COL3A1: variants seen among roughly 807,000 people sequenced by gnomAD.
COL3A1 encodes collagen alpha-1(III) chain.
COL3A1 carries 46 observed loss-of-function variants against 200.9 expected under a neutral mutation model. The ratio of observed to expected loss-of-function variants is 0.23; its 90% CI spans 0.18 to 0.29. The LOEUF (loss-of-function observed/expected upper bound fraction) is 0.29. Ranked by LOEUF, COL3A1 falls within the 10% of genes least tolerant of loss-of-function variation. The probability of loss-of-function intolerance (pLI) is 1.00; values close to 1 mark genes in which losing one functional copy is unlikely to be tolerated. For synonymous variants in COL3A1, 650 were observed against 628.0 expected (o/e 1.03, Z -0.52); for missense variants, 1,367 against 1,917.6 (o/e 0.71, Z 5.36).
intron 16 of COL3A1, 100 bp from the exon 17 acceptor site, chr2:188,993,938 A>G (rs751552886): frequency 4.5e-6 from 5 of 1,115,722 alleles, no homozygotes; most frequent in Non-Finnish European, 6.7e-6. Flanking sequence ...TCTACAAAGC[A>G]TAACACTCAT....
In COL3A1 at chr2:188,991,681, G is replaced by C. The variant is rs756075915; in HGVS notation, c.910G>C (p.Ala304Pro). Reference protein sequence around the residue: ...GAPGPMGPRGAPGERGRPGLP... With the variant: ...GAPGPMGPRGPPGERGRPGLP... ...TTTTACTCTGTAGGGTCCAAGAGGGGCTCCTGGTGAGCGAGGACGGCCAGG... is the reference window on the plus strand; with the variant it reads ...TTTTACTCTGTAGGGTCCAAGAGGGCCTCCTGGTGAGCGAGGACGGCCAGG... Residue 304 changes from alanine (A) to proline (P), a missense_variant, in exon 13 of 51, where the codon GCT becomes CCT. By Grantham distance (27) the Ala-to-Pro change is conservative. Transcript: ENST00000304636. The C allele has an allele frequency of 5.0e-6, 8 of 1,613,830 alleles. No homozygotes were observed. In the South Asian group the frequency reaches 8.8e-5, roughly 18 times the overall value.
intron 4 of COL3A1, among the ~76,000 whole-genome samples, chr2:188,986,348 G>A (rs1278126489): frequency 1.3e-5 from 2 of 151,940 alleles, no homozygotes; most frequent in Admixed American, 6.6e-5. Flanking sequence ...CATGGAATTA[G>A]GTGAAACGAG....
At position 189,006,895 on chromosome 2, in the gene COL3A1, T is replaced by C. The variant is rs1283710160; in HGVS notation, c.3202-42T>C. ...ACGAAATTGTGTCAACACATAAAAC[T>C]AGTTCCGTGTATGTCTTCTCAATTG... is the stretch of plus-strand genomic sequence containing the variant. On this transcript the variant is annotated intron_variant, in intron 43 of 50. Coordinates refer to ENST00000304636, the MANE Select transcript of COL3A1 (RefSeq NM_000090.4). 1.9e-6 allele frequency: 3 copies of C among 1,600,272 alleles called. No individual in the cohort carries two copies. The East Asian group carries it at 6.7e-5, about 36-fold the overall frequency.
intron 8 of COL3A1, among the ~76,000 whole-genome samples, 199 bp downstream of exon 8, chr2:188,989,648 C>T (rs1688144622): frequency 6.6e-6 from 1 of 152,000 alleles, no homozygotes; most frequent in Admixed American, 6.6e-5. Flanking sequence ...TGTTGAATTC[C>T]AAAATAAAAT....
chr2:188,983,772 AT>A (rs2153501237), intron 1 of COL3A1, among the ~76,000 whole-genome samples: 1 of 152,076 alleles, frequency 6.6e-6, no homozygotes, highest in Non-Finnish European at 1.5e-5. Context: ...GTTTGCAAAA[AT>A]TTTTGCAGAT....
intron 1 of COL3A1, chr2:188,978,295 T>C (rs1272159815): frequency 5.9e-6 from 1 of 169,214 alleles, no homozygotes; most frequent in Non-Finnish European, 1.4e-5. Flanking sequence ...ATTCCTGGAT[T>C]GATGTCTTAT....
chr2:189,007,246 G>A (rs935372013), intron 44 of COL3A1, among the ~76,000 whole-genome samples: 3 of 150,006 alleles, frequency 2.0e-5, no homozygotes, highest in Non-Finnish European at 4.4e-5. Context: ...ACAATGATAT[G>A]GAAAGCAGTT....
intron 1 of COL3A1, among the ~76,000 whole-genome samples, chr2:188,981,140 G>A (rs1687944612): frequency 6.6e-6 from 1 of 151,366 alleles, no homozygotes; most frequent in Admixed American, 6.6e-5. Flanking sequence ...GATTTAACAT[G>A]AAGAATGGAA....
intron 5 of COL3A1, 106 bp downstream of exon 5, chr2:188,987,245 C>G: frequency 1.1e-6 from 1 of 912,014 alleles, no homozygotes; most frequent in South Asian, 1.4e-5. Flanking sequence ...TGGAATTGTA[C>G]AAAATAGCTT....
chr2:188,996,365 C>A, intron 23 of COL3A1, 33 bp from the exon 24 acceptor site: 2 of 1,553,882 alleles, frequency 1.3e-6, no homozygotes, highest in Non-Finnish European at 1.8e-6. Flanking sequence ...TTCTCTTTAT[C>A]AAACCTTTAT....
At chr2:188,990,720 C>A (rs1688170745) in intron 10 of COL3A1, among the ~76,000 whole-genome samples, 1 of 152,150 alleles carries the variant, frequency 6.6e-6, no homozygotes, top group South Asian at 2.1e-4. Context: ...GTGCCTACAA[C>A]CTATCAACTG....
At chr2:189,002,377 T>A (rs765223739) in intron 35 of COL3A1, 26 bp downstream of exon 35, 2 of 1,600,544 alleles carry the variant, frequency 1.2e-6, no homozygotes, top group East Asian at 2.2e-5. Flanking sequence ...TATACATACA[T>A]GTCCCATAGC....
chr2:188,999,164 A>C, intron 29 of COL3A1, 121 bp from the exon 30 acceptor site: 2 of 966,194 alleles, frequency 2.1e-6, no homozygotes, highest in Non-Finnish European at 3.2e-6. Flanking sequence ...TTAAGTATAC[A>C]AATTTCTAGA....
At position 189,004,269 on chromosome 2, in the gene COL3A1, C is replaced by T. The variant is rs1489737925; in HGVS notation, c.2836C>T (p.Pro946Ser). The T allele has an allele frequency of 6.2e-7, 1 of 1,604,706 alleles. No homozygotes were observed. The highest frequency in any genetic ancestry group is 8.5e-7 in the Non-Finnish European group (1 of 1,175,870). Residue 946 changes from proline (P) to serine (S), a missense_variant, in exon 40 of 51, where the codon CCA becomes TCA. Physicochemically the swap from Pro to Ser is moderately conservative, Grantham distance 74 (BLOSUM62 -1). Around this residue, in one of 5 missense-constraint regions of COL3A1, gnomAD observed 846 missense variants for 1,147.9 expected, o/e 0.74. Coordinates refer to ENST00000304636, the MANE Select transcript of COL3A1 (RefSeq NM_000090.4). ...TTATCTGTATTAGGGAGCTCCAGGC[C>T]CACTTGGGATTGCTGGGATCACTGG... is the stretch of plus-strand genomic sequence containing the variant. Reference protein sequence around the residue: ...GAQGPPGAPGPLGIAGITGAR... With the variant: ...GAQGPPGAPGSLGIAGITGAR...
rs1037263730 is a variant in COL3A1, at chr2:189,008,246, T to G, written c.3525+104T>G. ...AATTGAAATAGAGAGACGCAATGCA[T>G]CCACTCAATTTAGAAACTGAACAAT... On this transcript the variant is annotated intron_variant, in intron 47 of 50. Transcript: ENST00000304636. 6 of 932,938 alleles carry G rather than the reference T, an allele frequency of 6.4e-6. No homozygotes were observed. The African/African-American group carries it at 9.8e-5, about 15-fold the overall frequency. The allele number at this position is 932,938 out of a possible 1,614,324, so 57.8% of individuals were successfully genotyped here. A position where few individuals can be genotyped will look rare whatever the true frequency, so the allele number is the denominator to read the frequency against.
chr2:189,007,192 TAGATA>T (rs1688613337), intron 44 of COL3A1, among the ~76,000 whole-genome samples: 1 of 138,814 alleles, frequency 7.2e-6, no homozygotes, highest in South Asian at 2.2e-4. Context: ...GATAGATAGA[TAGATA>T]GATAGATAGA....
Position 188,988,119 on chromosome 2 carries a change from T to A in COL3A1, c.567T>A (p.Gly189=). 1.2e-6 allele frequency: 2 copies of A among 1,612,890 alleles called. No homozygotes were observed. The highest frequency in any genetic ancestry group is 1.7e-6 in the Non-Finnish European group (2 of 1,179,076). Residue 189 remains glycine, a synonymous_variant, in exon 6 of 51, where the codon GGT becomes GGA. Coordinates refer to ENST00000304636, the MANE Select transcript of COL3A1 (RefSeq NM_000090.4). ...PGPPGPPGTS[G]HPGSPGSPGY... is the part of the protein sequence containing the mutation. ...CTCCCGGTCCCCCTGGTACATCTGG[T>A]CATCCTGGTTCCCCTGTAAGTATAG...
Position 188,999,269 on chromosome 2 carries a change from C to A in COL3A1, c.2023-16C>A. ...TTGGGTTGTCTAATATGGTTATTTA[C>A]ATATTTTTGTCACAGGGTGATGCTG... On this transcript the variant is annotated splice_polypyrimidine_tract_variant and intron_variant, in intron 29 of 50. Coordinates refer to ENST00000304636, the MANE Select transcript of COL3A1 (RefSeq NM_000090.4). The A allele has an allele frequency of 6.4e-7, 1 of 1,556,428 alleles. No individual in the cohort carries two copies. Among genetic ancestry groups the A allele is most frequent in the Non-Finnish European group, 8.7e-7 (1 of 1,149,248 alleles).
intron 15 of COL3A1, 27 bp downstream of exon 15, chr2:188,992,967 A>G (rs776807416): frequency 4.4e-6 from 7 of 1,608,472 alleles, no homozygotes; most frequent in South Asian, 3.3e-5. Flanking sequence ...ATAGAAGGGT[A>G]TAAAAATATC....
Sources: allele counts gnomAD v4.1 joint callset (sites outside exome capture counted in the v4.1 genomes callset), GRCh38; gene constraint gnomAD v4.1.1; regional missense constraint gnomAD v4.1.1; transcripts MANE v1.5; gene names NCBI Gene and HGNC (gene_info 2026-07-23, HGNC 2026-07-21).